Variants in ACYP2 observed in about 807,000 individuals in gnomAD.
The protein encoded by ACYP2 is acylphosphatase-2.
Under a neutral mutation model 11.2 loss-of-function variants are expected in ACYP2, and 12 were observed. The observed-to-expected ratio is 1.08, with a 90% CI of 0.69 to 1.74. ACYP2 has a LOEUF of 1.74. ACYP2 is among the 40% of genes most tolerant of loss of function. ACYP2 has a pLI of 0.00. For missense variants in ACYP2, 134 were observed against 101.9 expected (o/e 1.31, Z -1.35); for synonymous variants, 43 against 32.2 (o/e 1.33, Z -1.13).
intron 6 of ACYP2, among the ~76,000 whole-genome samples, chr2:54,295,842 C>G (rs375685185): frequency 5.9e-5 from 9 of 151,886 alleles, no homozygotes; most frequent in Admixed American, 2.6e-4. Context: ...CTCACTGCAA[C>G]CTCCGCCTCC....
chr2:54,178,945 C>T (rs552573465), intron 6 of ACYP2, among the ~76,000 whole-genome samples: 24 of 152,154 alleles, frequency 1.6e-4, no homozygotes, highest in Non-Finnish European at 2.9e-4. Context: ...TTGTAAACAA[C>T]AAAAATTTAC....
intron 4 of ACYP2, among the ~76,000 whole-genome samples, chr2:54,123,570 A>C (rs937288021): frequency 1.3e-5 from 2 of 152,032 alleles, no homozygotes; most frequent in African/African-American, 2.4e-5. Context: ...GAACATTTCC[A>C]TCACCCCTCC....
chr2:54,201,636 C>CTTTCTTTCTCTTTCTTTCTT lies in ACYP2; in HGVS notation c.404+62889_404+62890insTTCTTTCTCTTTCTTTCTTT, dbSNP rs59874821. Among the ~76,000 whole-genome samples, 102 of 93,680 alleles carry CTTTCTTTCTCTTTCTTTCTT rather than the reference C, an allele frequency of 1.1e-3. 4 individuals carry two copies. The highest frequency in any genetic ancestry group is 4.2e-3 in the Admixed American group (38 of 8,944). The allele number at this position is 93,680 out of a possible 152,430, so 61.5% of individuals were successfully genotyped here. ...TCTTTCTTTCTTTGTTTCTTTCTTT[C>CTTTCTTTCTCTTTCTTTCTT]TCTTTCTTTCTTTCTTTCTTTCTTT... On this transcript the variant is annotated intron_variant, in intron 6 of 6. Coordinates refer to ENST00000607452, the MANE Select transcript of ACYP2 (RefSeq NM_001320586.2).
chr2:54,044,878 A>C (rs896460825), intron 2 of ACYP2, among the ~76,000 whole-genome samples: 1 of 152,184 alleles, frequency 6.6e-6, no homozygotes, highest in Admixed American at 6.5e-5. Context: ...ATCAGAAAAG[A>C]AGGGAGGGAC....
At chr2:54,132,821 C>T (rs539408631) in intron 4 of ACYP2, among the ~76,000 whole-genome samples, 16 of 151,150 alleles carry the variant, frequency 1.1e-4, no homozygotes, top group African/African-American at 2.9e-4. Context: ...CTTGGCTCAC[C>T]GAAACCTCCG....
At chr2:54,218,824 GA>G (rs1685667131) in intron 6 of ACYP2, among the ~76,000 whole-genome samples, 1 of 152,212 alleles carries the variant, frequency 6.6e-6, no homozygotes, top group African/African-American at 2.4e-5. Context: ...TTTCTATTAG[GA>G]AAACAGTAGC....
intron 6 of ACYP2, among the ~76,000 whole-genome samples, chr2:54,201,623 T>TCTTTC (rs1491451992): frequency 1.0e-5 from 1 of 99,740 alleles, no homozygotes; most frequent in African/African-American, 4.0e-5. Flanking sequence ...TTTCTTTCTT[T>TCTTTC]GTTTCTTTCT....
chr2:54,204,713 A>G (rs578099767), intron 6 of ACYP2, among the ~76,000 whole-genome samples: 2 of 152,120 alleles, frequency 1.3e-5, no homozygotes, highest in African/African-American at 2.4e-5. Context: ...AAAAAACTCA[A>G]TTCTTTCTTC....
At chr2:54,004,872 GC>G (rs1350205610) in intron 2 of ACYP2, among the ~76,000 whole-genome samples, 5 of 132,134 alleles carry the variant, frequency 3.8e-5, no homozygotes, top group Admixed American at 3.4e-4. Flanking sequence ...TCCAGCCTGG[GC>G]AACAGTGCAA....
rs529646613 is a variant in ACYP2 at position 54,161,148 on chromosome 2, C to T, written c.404+22400C>T. On this transcript the variant is annotated intron_variant, in intron 6 of 6. Coordinates refer to ENST00000607452, the MANE Select transcript of ACYP2 (RefSeq NM_001320586.2). ...TGTGATCCACATGAAAGCTTCAGAG[C>T]CACTAAACTAGAGCAATGGATGCTT... Among the ~76,000 whole-genome samples, 3 of 152,254 alleles carry T rather than the reference C, an allele frequency of 2.0e-5. No individual in the cohort carries two copies. The South Asian group carries it at 6.2e-4, about 32-fold the overall frequency.
chr2:54,251,859 A>C (rs1687241051), intron 6 of ACYP2, among the ~76,000 whole-genome samples: 1 of 152,240 alleles, frequency 6.6e-6, no homozygotes, highest in African/African-American at 2.4e-5. Context: ...ATTATAAAAG[A>C]TTCAGATTCC....
intron 6 of ACYP2, among the ~76,000 whole-genome samples, chr2:54,207,474 C>T (rs1453338328): frequency 6.6e-6 from 1 of 152,108 alleles, no homozygotes; most frequent in African/African-American, 2.4e-5. Context: ...TTAAATTCAA[C>T]TGATTGTAAA....
chr2:54,115,302 T>A, intron 4 of ACYP2: 1 of 466,638 alleles, frequency 2.1e-6, no homozygotes. Flanking sequence ...CCAACTTTTA[T>A]TTGTCAATTA....
intron 6 of ACYP2, chr2:54,142,039 T>C: frequency 4.8e-6 from 2 of 413,760 alleles, no homozygotes; most frequent in Non-Finnish European, 8.6e-6. Context: ...GTTGTTGTTG[T>C]TGTTGTTGTT....
intron 6 of ACYP2, among the ~76,000 whole-genome samples, chr2:54,171,204 G>C (rs1683207635): frequency 6.6e-6 from 1 of 152,244 alleles, no homozygotes; most frequent in South Asian, 2.1e-4. Context: ...AAAGGTTCAC[G>C]CTGGCCTTCC....
intron 2 of ACYP2, among the ~76,000 whole-genome samples, chr2:54,037,716 G>A (rs1033406912): frequency 1.8e-4 from 27 of 152,100 alleles, no homozygotes; most frequent in African/African-American, 6.3e-4. Flanking sequence ...CCTAAAACAT[G>A]CTTTTAATTA....
rs538574881 is a variant in ACYP2, at chr2:54,010,768, G to A, written c.62+36958G>A. ...TTTTTTTTTTTTTTTTTTTTTTTGA[G>A]GCAGCAGAGTTCACCTCAGCCTCCT... is the stretch of plus-strand genomic sequence containing the variant. On this transcript the variant is annotated intron_variant, in intron 2 of 6. Coordinates refer to ENST00000607452, the MANE Select transcript of ACYP2 (RefSeq NM_001320586.2). Among the ~76,000 whole-genome samples the A allele has an allele frequency of 4.4e-5, 4 of 91,378 alleles. No individual in the cohort carries two copies. In the Admixed American group the frequency reaches 5.9e-4, roughly 14 times the overall value. The allele number at this position is 91,378 out of a possible 152,430, so 59.9% of individuals were successfully genotyped here. A position where few individuals can be genotyped will look rare whatever the true frequency, so the allele number is the denominator to read the frequency against.
At chr2:54,061,487 G>A (rs575667526) in intron 4 of ACYP2, among the ~76,000 whole-genome samples, 2 of 152,172 alleles carry the variant, frequency 1.3e-5, no homozygotes, top group Non-Finnish European at 2.9e-5. Context: ...AGTTGCTGAT[G>A]ATGTTGTTTT....
chr2:54,185,603 C>CT (rs1439880914), intron 6 of ACYP2, among the ~76,000 whole-genome samples: 1 of 151,926 alleles, frequency 6.6e-6, no homozygotes, highest in Non-Finnish European at 1.5e-5. Context: ...TTTTAGCAGT[C>CT]TAATTTAATA....
Sources: gnomAD v4.1 joint callset for allele counts (sites outside exome capture counted in the v4.1 genomes callset) on GRCh38, gnomAD v4.1.1 for gene constraint, MANE v1.5 for transcripts, NCBI Gene and HGNC (gene_info 2026-07-23, HGNC 2026-07-21) for gene names.